Variants in NCKAP5 observed in about 807,000 individuals in gnomAD.
The protein encoded by NCKAP5 is nck-associated protein 5.
Under a neutral mutation model 167.0 loss-of-function variants are expected in NCKAP5, and 92 were observed. The ratio of observed to expected loss-of-function variants is 0.55; its 90% CI spans 0.47 to 0.66. The LOEUF (loss-of-function observed/expected upper bound fraction) is 0.66. NCKAP5 is among the 30% of genes least tolerant of loss of function. The pLI is 0.00. For synonymous variants in NCKAP5, 891 were observed against 877.4 expected (o/e 1.02, Z -0.27); for missense variants, 2,378 against 2,315.0 (o/e 1.03, Z -0.56).
intron 11 of NCKAP5, among the ~76,000 whole-genome samples, chr2:132,815,466 G>T (rs1574310463): frequency 6.6e-6 from 1 of 152,158 alleles, no homozygotes; most frequent in East Asian, 1.9e-4. Flanking sequence ...CTGTGGGTTG[G>T]AGACTACAAA....
chr2:133,172,976 T>C, intron 5 of NCKAP5, among the ~76,000 whole-genome samples: 1 of 152,018 alleles, frequency 6.6e-6, no homozygotes, highest in African/African-American at 2.4e-5. Context: ...GGAGCCACCG[T>C]GACGGGCTAT....
chr2:133,000,109 G>A (rs1346456196), intron 6 of NCKAP5, among the ~76,000 whole-genome samples: 1 of 152,168 alleles, frequency 6.6e-6, no homozygotes, highest in Admixed American at 6.5e-5. Flanking sequence ...GAGGGTGCAA[G>A]AAGTGCCCGC....
At chr2:132,728,738 A>G in intron 18 of NCKAP5, 78 bp downstream of exon 18, 1 of 1,547,656 alleles carries the variant, frequency 6.5e-7, no homozygotes, top group Non-Finnish European at 8.8e-7. Flanking sequence ...AATCTATCAT[A>G]AAAGTGTTTT....
chr2:133,433,590 T>C (rs1224157470), intron 3 of NCKAP5: 1 of 152,166 alleles, frequency 6.6e-6, no homozygotes, highest in Non-Finnish European at 1.5e-5. Context: ...CAATAAATAA[T>C]GAGCTAAATA....
At chr2:132,752,792 G>T (rs1680225133) in intron 16 of NCKAP5, among the ~76,000 whole-genome samples, 1 of 152,188 alleles carries the variant, frequency 6.6e-6, no homozygotes, top group Admixed American at 6.5e-5. Flanking sequence ...AAGCCAGCAA[G>T]CTGGAGACCC....
chr2:133,551,902 AAAAC>A (rs1253322551), intron 2 of NCKAP5, among the ~76,000 whole-genome samples: 3 of 137,674 alleles, frequency 2.2e-5, no homozygotes, highest in Admixed American at 7.3e-5. Context: ...TTACAAGAAA[AAAAC>A]AAACAACCCC....
intron 3 of NCKAP5, among the ~76,000 whole-genome samples, chr2:133,469,102 G>A (rs1223523810): frequency 6.6e-6 from 1 of 152,022 alleles, no homozygotes; most frequent in African/African-American, 2.4e-5. Context: ...TTTCTTCCTA[G>A]TCTCGATGGT....
chr2:132,842,645 G>T (rs1357540366), intron 11 of NCKAP5, among the ~76,000 whole-genome samples: 1 of 151,698 alleles, frequency 6.6e-6, no homozygotes, highest in East Asian at 1.9e-4. Flanking sequence ...AACCTCCTGG[G>T]CTCCAATCCT....
chr2:133,495,107 C>T (rs1681820939), intron 3 of NCKAP5, among the ~76,000 whole-genome samples: 1 of 152,168 alleles, frequency 6.6e-6, no homozygotes, highest in Admixed American at 6.5e-5. Flanking sequence ...TTGAATCCAC[C>T]TATGATCTAA....
chr2:133,434,109 A>T (rs941621273), intron 3 of NCKAP5, among the ~76,000 whole-genome samples: 98 of 152,368 alleles, frequency 6.4e-4, no homozygotes, highest in African/African-American at 2.3e-3. Flanking sequence ...GAATCAAAAA[A>T]AAATTCTAAG....
chr2:133,527,615 T>C (rs142039724), intron 2 of NCKAP5, among the ~76,000 whole-genome samples: 8 of 151,566 alleles, frequency 5.3e-5, no homozygotes, highest in African/African-American at 9.7e-5. Context: ...CCAGAAAATA[T>C]AGAATGACAT....
chr2:132,700,487 G>A (rs1461383679), intron 19 of NCKAP5, among the ~76,000 whole-genome samples: 3 of 152,132 alleles, frequency 2.0e-5, no homozygotes, highest in African/African-American at 7.2e-5. Context: ...AATCCACCTT[G>A]AATTAATTTT....
intron 3 of NCKAP5, among the ~76,000 whole-genome samples, chr2:133,503,310 T>G (rs1682704371): frequency 6.6e-6 from 1 of 152,230 alleles, no homozygotes; most frequent in African/African-American, 2.4e-5. Flanking sequence ...AGTTCTCAAA[T>G]GATCACAGTT....
intron 5 of NCKAP5, among the ~76,000 whole-genome samples, chr2:133,184,506 T>C (rs2084863304): frequency 6.6e-6 from 1 of 152,136 alleles, no homozygotes; most frequent in Non-Finnish European, 1.5e-5. Flanking sequence ...CGGGGTCCAA[T>C]GGCAATCTGT....
At chr2:132,935,476 A>G (rs72994833) in intron 8 of NCKAP5, among the ~76,000 whole-genome samples, 3,903 of 152,274 alleles carry the variant, frequency 0.026, 167 homozygotes, top group African/African-American at 0.088. Flanking sequence ...TAGGATTTAG[A>G]CAGGTGAATG....
chr2:133,513,623 TACAA>T (rs1458449216), intron 3 of NCKAP5, among the ~76,000 whole-genome samples: 1 of 152,196 alleles, frequency 6.6e-6, no homozygotes, highest in African/African-American at 2.4e-5. Context: ...ACGATTTGGA[TACAA>T]ACAGTCAAGA....
At chr2:133,664,779 T>C in the NCKAP5 span, among the ~76,000 whole-genome samples, 3 of 152,228 alleles carry the variant, frequency 2.0e-5, no homozygotes, top group Non-Finnish European at 4.4e-5. Flanking sequence ...ATTACATATG[T>C]GAGCCACCGC....
At chr2:132,693,105 G>A (rs989340090) in intron 19 of NCKAP5, among the ~76,000 whole-genome samples, 2 of 152,154 alleles carry the variant, frequency 1.3e-5, no homozygotes, top group African/African-American at 4.8e-5. Context: ...AACTCAGTAG[G>A]CCAAAGTGGA....
chr2:133,190,028 T>A lies in NCKAP5; in HGVS notation c.207+23688A>T, dbSNP rs192058193. 2.6e-5 allele frequency among the ~76,000 whole-genome samples: 4 copies of A among 152,228 alleles called. No homozygotes were observed. In the South Asian group the frequency reaches 8.3e-4, roughly 32 times the overall value. On this transcript the variant is annotated intron_variant, in intron 5 of 19. Transcript: ENST00000409261. ...ATGATTGTATATTTAGAAAACCCCA[T>A]CATCTCAACCCAAAATCTCCTTAAG...
Sources: allele counts gnomAD v4.1 joint callset (sites outside exome capture counted in the v4.1 genomes callset), GRCh38; gene constraint gnomAD v4.1.1; transcripts MANE v1.5; gene names NCBI Gene and HGNC (gene_info 2026-07-23, HGNC 2026-07-21).